The following CHD6 variants were observed in gnomAD, a reference collection of about 807,000 sequenced individuals.
CHD6 encodes ATP-dependent chromatin remodeler CHD6.
A neutral mutation model predicts 276.9 loss-of-function variants in CHD6; 50 were observed. That is an observed-to-expected ratio of 0.18 (90% CI 0.14 to 0.23). The LOEUF is 0.23. Ranked by LOEUF, CHD6 falls within the 10% of genes least tolerant of loss-of-function variation. The pLI is 1.00. For synonymous variants in CHD6, 1,173 were observed against 1,229.3 expected, an observed-to-expected ratio of 0.95 and a Z score of 0.96; for missense variants, 2,564 against 3,365.8, an observed-to-expected ratio of 0.76 and a Z score of 5.89.
intron 1 of CHD6, among the ~76,000 whole-genome samples, chr20:41,555,303 G>C (rs1346971449): frequency 6.9e-6 from 1 of 144,214 alleles, no homozygotes; most frequent in Non-Finnish European, 1.5e-5. Flanking sequence ...CTCCCAGTAG[G>C]GGCGGCCGGG....
chr20:41,590,599 T>A (rs768387051), intron 1 of CHD6, among the ~76,000 whole-genome samples: 123 of 152,086 alleles, frequency 8.1e-4, no homozygotes, highest in Admixed American at 1.2e-3. Flanking sequence ...GCCAAAAGAC[T>A]CATGAAAAAA....
At chr20:41,418,968 C>T (rs1284850527) in intron 31 of CHD6, among the ~76,000 whole-genome samples, 1 of 152,284 alleles carries the variant, frequency 6.6e-6, no homozygotes, top group East Asian at 1.9e-4. Flanking sequence ...TTATCTTTAC[C>T]TTGTACTCAC....
At chr20:41,544,189 G>C (rs917435916) in intron 2 of CHD6, among the ~76,000 whole-genome samples, 8 of 152,080 alleles carry the variant, frequency 5.3e-5, no homozygotes, top group South Asian at 2.1e-4. Flanking sequence ...GCAGTGAGCT[G>C]AGATTTTGCC....
intron 1 of CHD6, among the ~76,000 whole-genome samples, chr20:41,560,475 G>A (rs908488159): frequency 1.3e-5 from 2 of 152,144 alleles, no homozygotes; most frequent in Non-Finnish European, 2.9e-5. Flanking sequence ...AATCTCATAA[G>A]CATCTTGTGA....
chr20:41,404,313 G>T lies in CHD6; in HGVS notation c.*280C>A, dbSNP rs552197998. ...GAAACTTGGAAGAGAAGGGGGTAGG[G>T]CGTGTCACCAAGTACTGTATTAACT... On this transcript the variant is annotated 3_prime_UTR_variant, in exon 37 of 37. Transcript: ENST00000373233. The T allele has an allele frequency of 7.0e-6, 8 of 1,138,072 alleles. No homozygotes were observed. The highest frequency in any genetic ancestry group is 7.3e-4 in the Middle Eastern group (2 of 2,738). 70.5% of individuals were successfully genotyped at this position (1,138,072 alleles called of 1,614,324 possible).
At chr20:41,597,273 C>G (rs893494786) in intron 1 of CHD6, among the ~76,000 whole-genome samples, 5 of 152,040 alleles carry the variant, frequency 3.3e-5, no homozygotes, top group African/African-American at 1.2e-4. Flanking sequence ...GGACGTAAAT[C>G]CGAACTGCTC....
At chr20:41,460,397 G>A (rs933991190) in intron 17 of CHD6, among the ~76,000 whole-genome samples, 1 of 152,216 alleles carries the variant, frequency 6.6e-6, no homozygotes, top group African/African-American at 2.4e-5. Context: ...GGCCATGTCA[G>A]AGACCTTCAT....
At chr20:41,609,831 G>C (rs535254826) in intron 1 of CHD6, among the ~76,000 whole-genome samples, 2 of 148,378 alleles carry the variant, frequency 1.3e-5, no homozygotes, top group African/African-American at 2.5e-5. Context: ...ATGTGGATCT[G>C]TGTTTCCTTT....
chr20:41,415,903 T>A (rs1337385568), intron 33 of CHD6, among the ~76,000 whole-genome samples: 1 of 152,196 alleles, frequency 6.6e-6, no homozygotes, highest in East Asian at 1.9e-4. Context: ...GTGAACTACA[T>A]TTGGTGTTGC....
chr20:41,430,082 C>T (rs576555237), intron 27 of CHD6, among the ~76,000 whole-genome samples: 102 of 152,188 alleles, frequency 6.7e-4, no homozygotes, highest in Non-Finnish European at 1.1e-3. Flanking sequence ...AGGGAGCAAG[C>T]GTGAAGCAGG....
intron 1 of CHD6, among the ~76,000 whole-genome samples, chr20:41,586,095 T>C (rs6124363): frequency 0.35 from 53,827 of 152,096 alleles, 12,345 homozygotes; most frequent in African/African-American, 0.63. Context: ...GACTGGGATA[T>C]AAACCCAGGC....
At chr20:41,499,784 A>G (rs762966812) in intron 5 of CHD6, among the ~76,000 whole-genome samples, 15 of 152,218 alleles carry the variant, frequency 9.9e-5, no homozygotes, top group Non-Finnish European at 1.9e-4. Context: ...GTCTCCAAAT[A>G]TATTAAAATA....
At chr20:41,569,247 C>A (rs1419265971) in intron 1 of CHD6, among the ~76,000 whole-genome samples, 1 of 152,158 alleles carries the variant, frequency 6.6e-6, no homozygotes, top group African/African-American at 2.4e-5. Context: ...GCAGAAACTG[C>A]AGGCAATAAG....
In CHD6 at chr20:41,402,858, C is replaced by G. The variant is rs995325158; in HGVS notation, c.*1735G>C. The G allele has an allele frequency of 2.4e-5, 5 of 208,854 alleles. No homozygotes were observed. The highest frequency in any genetic ancestry group is 1.1e-4 in the African/African-American group (5 of 43,992). The allele number at this position is 208,854 out of a possible 1,614,324, so 12.9% of individuals were successfully genotyped here. ...ATCTGTGGTCAGCATTATAGACCAT[C>G]TATGCTACAAGGATGTCATTAAATA... On this transcript the variant is annotated 3_prime_UTR_variant, in exon 37 of 37. Transcript: ENST00000373233.
At chr20:41,502,719 T>C (rs1194893622) in intron 5 of CHD6, among the ~76,000 whole-genome samples, 1 of 152,198 alleles carries the variant, frequency 6.6e-6, no homozygotes, top group African/African-American at 2.4e-5. Context: ...TAAATAACCA[T>C]ATGTGGCTGG....
intron 5 of CHD6, among the ~76,000 whole-genome samples, chr20:41,507,389 A>AT (rs11306578): frequency 0.017 from 2,466 of 147,410 alleles, 59 homozygotes; most frequent in Admixed American, 0.076. Flanking sequence ...TAAAATTTCA[A>AT]TTTTTTTTTT....
At chr20:41,544,920 A>C (rs1349315494) in intron 2 of CHD6, among the ~76,000 whole-genome samples, 1 of 152,082 alleles carries the variant, frequency 6.6e-6, no homozygotes, top group Non-Finnish European at 1.5e-5. Flanking sequence ...GCAAACTATG[A>C]TTCTAGTCAG....
Position 41,564,164 on chromosome 20 carries a change from A to G in CHD6, c.-23-12804T>C, listed in dbSNP as rs549510291. On this transcript the variant is annotated intron_variant, in intron 1 of 36. Transcript: ENST00000373233. ...ACTGACACATGGGCTAAAAACAAAAAGTTACTCTGTTAACATTGAAATGAG... is the reference window on the plus strand; with the variant it reads ...ACTGACACATGGGCTAAAAACAAAAGGTTACTCTGTTAACATTGAAATGAG... 4 of 724,044 alleles carry G rather than the reference A, an allele frequency of 5.5e-6. No homozygotes were observed. In the East Asian group the frequency reaches 7.6e-5, roughly 14 times the overall value. 44.9% of individuals were successfully genotyped at this position (724,044 alleles called of 1,614,324 possible). A position where few individuals can be genotyped will look rare whatever the true frequency, so the allele number is the denominator to read the frequency against.
chr20:41,439,354 T>TC (rs759988196), intron 26 of CHD6, among the ~76,000 whole-genome samples: 14 of 149,682 alleles, frequency 9.4e-5, no homozygotes, highest in Non-Finnish European at 8.9e-5. Context: ...AGACTCTATC[T>TC]CGGGAAAAAA....
Sources: allele counts gnomAD v4.1 joint callset (sites outside exome capture counted in the v4.1 genomes callset), GRCh38; gene constraint gnomAD v4.1.1; transcripts MANE v1.5; gene names NCBI Gene and HGNC (gene_info 2026-07-23, HGNC 2026-07-21).